Variants in MAP3K9 observed in about 807,000 individuals in gnomAD.
MAP3K9 encodes the protein mitogen-activated protein kinase kinase kinase 9.
MAP3K9 carries 46 observed loss-of-function variants against 95.8 expected under a neutral mutation model. The observed-to-expected ratio is 0.48, with a 90% CI of 0.38 to 0.61. The LOEUF (loss-of-function observed/expected upper bound fraction) is 0.61. Ranked by LOEUF, MAP3K9 falls within the 20% of genes least tolerant of loss-of-function variation. MAP3K9 has a pLI of 0.00. For missense variants in MAP3K9, 1,296 were observed against 1,474.3 expected (o/e 0.88, Z 1.98); for synonymous variants, 533 against 593.8 (o/e 0.90, Z 1.49).
Position 70,730,304 on chromosome 14 carries a change from C to A in MAP3K9, c.*76G>T. On this transcript the variant is annotated 3_prime_UTR_variant, in exon 12 of 12. Coordinates refer to ENST00000554752, the MANE Select transcript of MAP3K9 (RefSeq NM_001284230.2). ...GGGCTGGATCTCAGGGGGTCCAACCCTGAGAAAGGGCTGTGCCCGCCAGCT... is the reference window on the plus strand; with the variant it reads ...GGGCTGGATCTCAGGGGGTCCAACCATGAGAAAGGGCTGTGCCCGCCAGCT... 1 of 1,536,338 alleles carries A rather than the reference C, an allele frequency of 6.5e-7. No homozygotes were observed. The highest frequency in any genetic ancestry group is 8.8e-7 in the Non-Finnish European group (1 of 1,140,076).
chr14:70,753,689 C>T (rs1685805352), intron 3 of MAP3K9, among the ~76,000 whole-genome samples: 4 of 152,196 alleles, frequency 2.6e-5, no homozygotes, highest in Admixed American at 2.6e-4. Context: ...GACCCACCAG[C>T]TCCCACAGTG....
At position 70,767,769 on chromosome 14, in the gene MAP3K9, AC is replaced by A. The variant is rs147732454; in HGVS notation, c.821-6588del. ...AGTGGCACAATCATAGCTCACTGTA[AC>A]CTTGAACTACTGGGCTCAAGCGTTT... On this transcript the variant is annotated intron_variant, in intron 2 of 11. Transcript: ENST00000554752. Among the ~76,000 whole-genome samples, 170 of 152,296 alleles carry A rather than the reference AC, an allele frequency of 1.1e-3. 4 individuals are homozygous for A. In the East Asian group the frequency reaches 0.03, roughly 27 times the overall value.
Position 70,723,034 on chromosome 14 carries a change from T to G in MAP3K9, c.*7346A>C, listed in dbSNP as rs1424008327. 1.3e-5 allele frequency: 2 copies of G among 152,140 alleles called. No homozygotes were observed. The highest frequency in any genetic ancestry group is 2.9e-5 in the Non-Finnish European group (2 of 68,034). 9.4% of individuals were successfully genotyped at this position (152,140 alleles called of 1,614,324 possible). ...GCCTTAGACTATAAGATATCTGGGT[T>G]TCGGTGGGGAGTGCAGGATGAGTAG... On this transcript the variant is annotated 3_prime_UTR_variant, in exon 12 of 12. Coordinates refer to ENST00000554752, the MANE Select transcript of MAP3K9 (RefSeq NM_001284230.2).
rs1402721137 is a variant in MAP3K9 at position 70,800,804 on chromosome 14, A to C, written c.683T>G (p.Leu228Trp). The C allele has an allele frequency of 6.2e-7, 1 of 1,614,018 alleles. No individual in the cohort carries two copies. Among genetic ancestry groups the C allele is most frequent in the Non-Finnish European group, 8.5e-7 (1 of 1,180,030 alleles). ...CCTTTTCCCAGATAACACTCTATTC[A>C]AAGGTCCTCCACGAGCAAACTCCAT... ...LVMEFARGGP[L>W]NRVLSGKRIP... The change falls in exon 2 of 12, where the codon TTG becomes TGG. Residue 228 changes from leucine (L) to tryptophan (W), a missense_variant. Coordinates refer to ENST00000554752, the MANE Select transcript of MAP3K9 (RefSeq NM_001284230.2).
rs1008399641 is a variant in MAP3K9 at position 70,727,415 on chromosome 14, C to A, written c.*2965G>T. 8 of 152,264 alleles carry A rather than the reference C, an allele frequency of 5.3e-5. No individual in the cohort carries two copies. Among genetic ancestry groups the A allele is most frequent in the African/African-American group, 1.9e-4 (8 of 41,440 alleles). The allele number at this position is 152,264 out of a possible 1,614,324, so 9.4% of individuals were successfully genotyped here. A position where few individuals can be genotyped will look rare whatever the true frequency, so the allele number is the denominator to read the frequency against. On this transcript the variant is annotated 3_prime_UTR_variant, in exon 12 of 12. Transcript: ENST00000554752. ...CAGAGAGCAGTATCTGTTCCTATTA[C>A]CATCTTCCATGAAGTTAGCACCTGC...
chr14:70,779,966 G>A (rs1335187690), intron 2 of MAP3K9, among the ~76,000 whole-genome samples: 1 of 152,236 alleles, frequency 6.6e-6, no homozygotes, highest in Non-Finnish European at 1.5e-5. Context: ...GCTTCCTGGG[G>A]CTGGCTAGTG....
chr14:70,739,539 TGTGA>T lies in MAP3K9; in HGVS notation c.1690+499_1690+502del, dbSNP rs962962112. ...ACACACACACACACTTACATGTATG[TGTGA>T]GTATTTTTTTTAAGCAAATACTGTA... On this transcript the variant is annotated intron_variant, in intron 7 of 11. Transcript: ENST00000554752. Among the ~76,000 whole-genome samples the T allele has an allele frequency of 7.2e-5, 11 of 152,064 alleles. No individual in the cohort carries two copies. The South Asian group carries it at 1.0e-3, about 14-fold the overall frequency.
At position 70,730,831 on chromosome 14, in the gene MAP3K9, G is replaced by T; in HGVS notation, c.2864C>A (p.Pro955Gln). 6.2e-7 allele frequency: 1 copy of T among 1,610,704 alleles called. No individual in the cohort carries two copies. Among genetic ancestry groups the T allele is most frequent in the Non-Finnish European group, 8.5e-7 (1 of 1,179,654 alleles). Residue 955 changes from proline (P) to glutamine (Q), a missense_variant, in exon 12 of 12, where the codon CCA (proline) becomes CAA (glutamine). Pro to Gln is a moderately conservative substitution (Grantham distance 76). Transcript: ENST00000554752. The part of the protein sequence containing the change: ...MLKTPSPSRD[P>Q]GEFPRLPDPN... ...GTCAGGGAGACGGGGGAATTCACCT[G>T]GGTCTCGGCTGGGACTGGGGGTTTT...
chr14:70,735,900 A>G (rs1192214344), intron 9 of MAP3K9, 61 bp downstream of exon 9: 1 of 1,253,462 alleles, frequency 8.0e-7, no homozygotes, highest in Non-Finnish European at 1.2e-6. Context: ...CTGTAAGAAC[A>G]AGGAAATGGA....
intron 2 of MAP3K9, among the ~76,000 whole-genome samples, chr14:70,789,689 A>G (rs1210817965): frequency 1.3e-5 from 2 of 152,134 alleles, no homozygotes; most frequent in African/African-American, 2.4e-5. Context: ...CCCAAAACCA[A>G]TCTTAAGGGG....
intron 10 of MAP3K9, chr14:70,733,775 C>G: frequency 2.8e-6 from 2 of 718,396 alleles, no homozygotes; most frequent in South Asian, 3.0e-5. Context: ...TCGATGGGCA[C>G]CACCCAACTG....
intron 5 of MAP3K9, among the ~76,000 whole-genome samples, chr14:70,747,672 T>C (rs1487231184): frequency 2.6e-5 from 4 of 152,134 alleles, no homozygotes; most frequent in African/African-American, 7.2e-5. Flanking sequence ...CTGGCCTACA[T>C]ACTGATGGCA....
At chr14:70,731,421 C>A (rs2053901435) in intron 11 of MAP3K9, among the ~76,000 whole-genome samples, 1 of 152,050 alleles carries the variant, frequency 6.6e-6, no homozygotes, top group African/African-American at 2.4e-5. Context: ...TGCACTCCAG[C>A]CTGGGTGACA....
chr14:70,798,629 C>CCACTACGCCCGG (rs1244917633), intron 2 of MAP3K9, among the ~76,000 whole-genome samples: 23 of 151,104 alleles, frequency 1.5e-4, no homozygotes, highest in African/African-American at 5.6e-4. Flanking sequence ...CAGGCACCCG[C>CCACTACGCCCGG]CACTACGCCC....
Position 70,761,184 on chromosome 14 carries a change from T to G in MAP3K9, c.821-2A>C. 6.2e-7 allele frequency: 1 copy of G among 1,610,140 alleles called. No individual in the cohort carries two copies. The highest frequency in any genetic ancestry group is 8.5e-7 in the Non-Finnish European group (1 of 1,177,842). ...TCTCCACCTTCTGGAGGATCAATACTAGGCAAGGAAAAGAATACAGAAGAA... is the reference window on the plus strand; with the variant it reads ...TCTCCACCTTCTGGAGGATCAATACGAGGCAAGGAAAAGAATACAGAAGAA... On this transcript the variant is annotated splice_acceptor_variant, in intron 2 of 11. Coordinates refer to ENST00000554752, the MANE Select transcript of MAP3K9 (RefSeq NM_001284230.2). LOFTEE classifies it high-confidence loss of function.
intron 2 of MAP3K9, among the ~76,000 whole-genome samples, chr14:70,776,758 A>G (rs2054604482): frequency 6.6e-6 from 1 of 152,150 alleles, no homozygotes; most frequent in Admixed American, 6.5e-5. Context: ...GATTTAAAAA[A>G]AAATCCTCTC....
intron 3 of MAP3K9, among the ~76,000 whole-genome samples, chr14:70,753,865 G>A (rs1347032312): frequency 6.6e-6 from 1 of 152,104 alleles, no homozygotes; most frequent in East Asian, 1.9e-4. Context: ...GTGAGGAAAA[G>A]TGGACAGCTA....
intron 2 of MAP3K9, among the ~76,000 whole-genome samples, chr14:70,774,947 G>A (rs1394986999): frequency 9.0e-6 from 1 of 111,374 alleles, no homozygotes; most frequent in Non-Finnish European, 1.6e-5. Flanking sequence ...TCGTGCCACT[G>A]CACTCCAGCC....
intron 5 of MAP3K9, among the ~76,000 whole-genome samples, chr14:70,745,145 T>C (rs1418202276): frequency 6.6e-6 from 1 of 152,158 alleles, no homozygotes; most frequent in Non-Finnish European, 1.5e-5. Flanking sequence ...GAGAGAGCCA[T>C]GTCTGAAAAA....
Sources: gnomAD v4.1 joint callset for allele counts (sites outside exome capture counted in the v4.1 genomes callset) on GRCh38, gnomAD v4.1.1 for gene constraint, MANE v1.5 for transcripts, NCBI Gene and HGNC (gene_info 2026-07-23, HGNC 2026-07-21) for gene names.